The following ZNF705G variants were observed in gnomAD, a reference collection of about 807,000 sequenced individuals.
ZNF705G encodes putative zinc finger protein 705G.
Under a neutral mutation model 19.6 loss-of-function variants are expected in ZNF705G, and 23 were observed. The observed-to-expected ratio is 1.17, with a 90% CI of 0.84 to 1.66. The LOEUF is 1.66. Ranked by LOEUF, ZNF705G falls within the 40% of genes most tolerant of loss-of-function variation. ZNF705G has a pLI of 0.00. For synonymous variants in ZNF705G, 146 were observed against 117.7 expected, an observed-to-expected ratio of 1.24 and a Z score of -1.56; for missense variants, 457 against 354.4, an observed-to-expected ratio of 1.29 and a Z score of -2.32.
intron 2 of ZNF705G, among the ~76,000 whole-genome samples, chr8:7,363,575 C>G (rs1345404318): frequency 2.0e-5 from 3 of 149,678 alleles, no homozygotes; most frequent in Non-Finnish European, 4.4e-5. Flanking sequence ...AATCCCAGCA[C>G]TTTGGGAGGC....
rs1370121657 is a variant in ZNF705G at position 7,356,493 on chromosome 8, T to C, written c.*1483A>G. ...AAAGGGCTGCGGACACCCAAATGCA[T>C]ATACAAGGTGTCTTTGATACAGCCT... is the stretch of plus-strand genomic sequence containing the variant. On this transcript the variant is annotated 3_prime_UTR_variant, in exon 7 of 7. Coordinates refer to ENST00000400156, the MANE Select transcript of ZNF705G (RefSeq NM_001164457.3). 6.7e-6 allele frequency: 1 copy of C among 149,978 alleles called. No individual in the cohort carries two copies. Among genetic ancestry groups the C allele is most frequent in the African/African-American group, 2.5e-5 (1 of 39,228 alleles). The allele number at this position is 149,978 out of a possible 1,614,324, so 9.3% of individuals were successfully genotyped here. A position where few individuals can be genotyped will look rare whatever the true frequency, so the allele number is the denominator to read the frequency against.
intron 1 of ZNF705G, among the ~76,000 whole-genome samples, chr8:7,385,236 G>A (rs1364964923): frequency 6.7e-6 from 1 of 149,066 alleles, no homozygotes; most frequent in Non-Finnish European, 1.5e-5. Flanking sequence ...CTTCCCAAAT[G>A]TTCCGCTTCT....
rs891201833 is a variant in ZNF705G, at chr8:7,356,816, A to G, written c.*1160T>C. The G allele has an allele frequency of 6.0e-5, 9 of 149,930 alleles. 3 individuals are homozygous for G. The highest frequency in any genetic ancestry group is 2.3e-4 in the African/African-American group (9 of 39,294). 9.3% of individuals were successfully genotyped at this position (149,930 alleles called of 1,614,324 possible). ...CTAAGTTTTTTCAACAACAGATTGT[A>G]TTCTTTCAATATTTGTAAGTATTGA... On this transcript the variant is annotated 3_prime_UTR_variant, in exon 7 of 7. Coordinates refer to ENST00000400156, the MANE Select transcript of ZNF705G (RefSeq NM_001164457.3).
chr8:7,365,471 C>A (rs771702597), intron 2 of ZNF705G, among the ~76,000 whole-genome samples: 2 of 147,930 alleles, frequency 1.4e-5, no homozygotes, highest in African/African-American at 2.7e-5. Flanking sequence ...CTCCACCTCC[C>A]GGGTTCAAGC....
chr8:7,364,600 C>T lies in ZNF705G; in HGVS notation c.-71-1583G>A, dbSNP rs563106444. Among the ~76,000 whole-genome samples, 5 of 149,688 alleles carry T rather than the reference C, an allele frequency of 3.3e-5. No individual in the cohort carries two copies. The East Asian group carries it at 9.6e-4, about 29-fold the overall frequency. ...CTTCTTGCTTTTTGACAAAATTACT[C>T]CCCTAACCAACGTTCTCTATGATTC... On this transcript the variant is annotated intron_variant, in intron 2 of 6. Coordinates refer to ENST00000400156, the MANE Select transcript of ZNF705G (RefSeq NM_001164457.3).
In ZNF705G at chr8:7,355,716, T is replaced by G. The variant is rs1806183668; in HGVS notation, c.*2260A>C. The stretch of plus-strand genomic sequence containing the variant: ...CCATAGAATTTCACAGCACAAATAG[T>G]ACATCTTAATGTGGTTCAGGAGTAC... On this transcript the variant is annotated 3_prime_UTR_variant, in exon 7 of 7. Coordinates refer to ENST00000400156, the MANE Select transcript of ZNF705G (RefSeq NM_001164457.3). The G allele has an allele frequency of 1.3e-5, 2 of 149,762 alleles. 1 individual carries two copies. Among genetic ancestry groups the G allele is most frequent in the African/African-American group, 5.1e-5 (2 of 39,122 alleles). The allele number at this position is 149,762 out of a possible 1,614,324, so 9.3% of individuals were successfully genotyped here. A position where few individuals can be genotyped will look rare whatever the true frequency, so the allele number is the denominator to read the frequency against.
rs1358980887 is a variant in ZNF705G at position 7,359,637 on chromosome 8, T to A, written c.300A>T (p.Ala100=). The A allele has an allele frequency of 4.4e-6, 7 of 1,606,862 alleles. 1 individual carries two copies. Among genetic ancestry groups the A allele is most frequent in the Non-Finnish European group, 5.9e-6 (7 of 1,179,294 alleles). The change falls in exon 6 of 7, where the codon GCA becomes GCT. Residue 100 remains alanine (A), a synonymous_variant. Transcript: ENST00000400156. ...AACTTACCATTGTCATACTGGTGGATGCGTCTTTTCTGGTGATAGGATGCA... is the reference window on the plus strand; with the variant it reads ...AACTTACCATTGTCATACTGGTGGAAGCGTCTTTTCTGGTGATAGGATGCA... The part of the protein sequence containing the change: ...ISMHPITRKD[A]STSMTMENSL...
intron 3 of ZNF705G, 82 bp downstream of exon 3, chr8:7,362,853 A>G: frequency 6.3e-7 from 1 of 1,583,266 alleles, no homozygotes; most frequent in Non-Finnish European, 8.5e-7. Flanking sequence ...TAAAAATGAA[A>G]CACCCATGCA....
At position 7,364,563 on chromosome 8, in the gene ZNF705G, G is replaced by A. The variant is rs10107229; in HGVS notation, c.-71-1546C>T. On this transcript the variant is annotated intron_variant, in intron 2 of 6. Coordinates refer to ENST00000400156, the MANE Select transcript of ZNF705G (RefSeq NM_001164457.3). Reference sequence around the variant, plus strand: ...AGCAATACTTTTAATTATATTCTGCGTGTCGCTGCCTCTTCTTGCTTTTTG... The same window carrying A: ...AGCAATACTTTTAATTATATTCTGCATGTCGCTGCCTCTTCTTGCTTTTTG... Among the ~76,000 whole-genome samples, 1,424 of 148,746 alleles carry A rather than the reference G, an allele frequency of 9.6e-3. 108 individuals are homozygous for A. Among genetic ancestry groups the A allele is most frequent in the African/African-American group, 0.019 (722 of 38,464 alleles).
At chr8:7,383,601 T>A (rs1222177256) in intron 1 of ZNF705G, among the ~76,000 whole-genome samples, 1 of 147,084 alleles carries the variant, frequency 6.8e-6, no homozygotes, top group Non-Finnish European at 1.5e-5. Flanking sequence ...TGTCTCCCCA[T>A]TCATCTGTTG....
rs1381960471 is a variant in ZNF705G at position 7,358,145 on chromosome 8, C to A, written c.734G>T (p.Arg245Ile). Residue 245 changes from arginine (R) to isoleucine (I), a missense_variant, in exon 7 of 7, where the codon AGA becomes ATA. Transcript: ENST00000400156. ...KVFIQSFNLQRHERTHLGKKC... is the reference protein window; with the variant it reads ...KVFIQSFNLQIHERTHLGKKC... The stretch of plus-strand genomic sequence containing the variant: ...TTTTCCAAGGTGAGTTCTCTCATGT[C>A]TTTGAAGGTTAAAGGATTGAATAAA... 1.9e-6 allele frequency: 3 copies of A among 1,607,494 alleles called. No homozygotes were observed. The highest frequency in any genetic ancestry group is 2.5e-6 in the Non-Finnish European group (3 of 1,179,614).
intron 2 of ZNF705G, among the ~76,000 whole-genome samples, chr8:7,363,724 A>C (rs866526127): frequency 2.0e-5 from 3 of 149,414 alleles, no homozygotes; most frequent in Middle Eastern, 6.9e-3. Context: ...AGGAGGCTGA[A>C]ACAGGAGAAT....
chr8:7,360,852 A>G (rs1347847694), intron 4 of ZNF705G, among the ~76,000 whole-genome samples: 4 of 149,682 alleles, frequency 2.7e-5, no homozygotes, highest in East Asian at 1.9e-4. Context: ...TGTTATGAGT[A>G]TTAGAGACTG....
At chr8:7,368,181 C>T (rs1350986477) in intron 2 of ZNF705G, among the ~76,000 whole-genome samples, 1 of 149,622 alleles carries the variant, frequency 6.7e-6, no homozygotes, top group Admixed American at 6.6e-5. Context: ...TCAAAAACTT[C>T]ATTCTGGAGA....
At position 7,357,650 on chromosome 8, in the gene ZNF705G, C is replaced by T; in HGVS notation, c.*326G>A. On this transcript the variant is annotated 3_prime_UTR_variant, in exon 7 of 7. Coordinates refer to ENST00000400156, the MANE Select transcript of ZNF705G (RefSeq NM_001164457.3). ...AAGTCTTTGGTACATACATGTCATACAATTTCTCTTCCATATGAATTTATT... is the reference window on the plus strand; with the variant it reads ...AAGTCTTTGGTACATACATGTCATATAATTTCTCTTCCATATGAATTTATT... 2 of 463,320 alleles carry T rather than the reference C, an allele frequency of 4.3e-6. No homozygotes were observed. Among genetic ancestry groups the T allele is most frequent in the Non-Finnish European group, 7.5e-6 (2 of 264,986 alleles). 28.7% of individuals were successfully genotyped at this position (463,320 alleles called of 1,614,324 possible).
rs1224802270 is a variant in ZNF705G at position 7,358,003 on chromosome 8, G to T, written c.876C>A (p.Ala292=). 1.2e-6 allele frequency: 2 copies of T among 1,609,082 alleles called. No homozygotes were observed. Among genetic ancestry groups the T allele is most frequent in the Non-Finnish European group, 1.7e-6 (2 of 1,179,778 alleles). Residue 292 remains alanine (A), a synonymous_variant, in exon 7 of 7, where the codon GCC becomes GCA. Transcript: ENST00000400156. ...KPHACLLCGK[A]FSLSSNLR Reference sequence around the variant, plus strand: ...ATCTAAGGTTGGAAGACAGACTGAAGGCCTTCCCACATAGAAGACAAGCAT... The same window carrying T: ...ATCTAAGGTTGGAAGACAGACTGAATGCCTTCCCACATAGAAGACAAGCAT...
chr8:7,357,904 AG>A lies in ZNF705G; in HGVS notation c.*71del. The A allele has an allele frequency of 6.3e-7, 1 of 1,592,406 alleles. No individual in the cohort carries two copies. Among genetic ancestry groups the A allele is most frequent in the South Asian group, 1.1e-5 (1 of 87,524 alleles). ...GAATTTTCTGATGCTCTTTAAGATT[AG>A]TACATTGTCTGAAGGCTTTCCCACA... On this transcript the variant is annotated 3_prime_UTR_variant, in exon 7 of 7. Transcript: ENST00000400156.
At chr8:7,366,450 T>C (rs1319145394) in intron 2 of ZNF705G, among the ~76,000 whole-genome samples, 1 of 149,648 alleles carries the variant, frequency 6.7e-6, no homozygotes, top group Non-Finnish European at 1.5e-5. Flanking sequence ...ATATGCAACA[T>C]ATTTAGATAC....
At chr8:7,363,913 T>TA (rs1806723636) in intron 2 of ZNF705G, among the ~76,000 whole-genome samples, 1 of 149,456 alleles carries the variant, frequency 6.7e-6, no homozygotes, top group African/African-American at 2.6e-5. Context: ...ATATAGCCCT[T>TA]AAAATCTCCT....
Sources: allele counts gnomAD v4.1 joint callset (sites outside exome capture counted in the v4.1 genomes callset), GRCh38; gene constraint gnomAD v4.1.1; transcripts MANE v1.5; gene names NCBI Gene and HGNC (gene_info 2026-07-23, HGNC 2026-07-21).